The following ITGB6 variants were observed in gnomAD, a reference collection of about 807,000 sequenced individuals.
The protein encoded by ITGB6 is integrin beta-6.
In ITGB6, 80 loss-of-function variants were observed where a neutral mutation model predicts 84.5. The ratio of observed to expected loss-of-function variants is 0.95; its 90% CI spans 0.79 to 1.14. The LOEUF (loss-of-function observed/expected upper bound fraction) is 1.14, where lower values mean the gene tolerates loss of function less well. ITGB6 is among the 50% of genes most tolerant of loss of function. The pLI is 0.00. For missense variants in ITGB6, 1,006 were observed against 968.0 expected, an observed-to-expected ratio of 1.04 and a Z score of -0.52; for synonymous variants, 383 against 354.9, an observed-to-expected ratio of 1.08 and a Z score of -0.89.
intron 14 of ITGB6, 91 bp downstream of exon 14, chr2:160,107,588 A>G: frequency 1.7e-6 from 2 of 1,151,386 alleles, no homozygotes; most frequent in East Asian, 2.4e-5. Context: ...TGACATTTGA[A>G]CTCCCAGAGC....
Position 160,123,904 on chromosome 2 carries a change from A to G in ITGB6, c.1884-16T>C. 6.3e-7 allele frequency: 1 copy of G among 1,590,514 alleles called. No homozygotes were observed. The highest frequency in any genetic ancestry group is 1.3e-5 in the African/African-American group (1 of 74,534). On this transcript the variant is annotated splice_polypyrimidine_tract_variant and intron_variant, in intron 11 of 14. Coordinates refer to ENST00000283249, the MANE Select transcript of ITGB6 (RefSeq NM_000888.5). ...AATGCAGCTCCTGTGGACAGTATCC[A>G]ACAGTGTATCAGTTCATGCTGGTGG... is the stretch of plus-strand genomic sequence containing the variant.
At chr2:160,113,096 G>A (rs1266569301) in intron 12 of ITGB6, among the ~76,000 whole-genome samples, 1 of 152,198 alleles carries the variant, frequency 6.6e-6, no homozygotes, top group Non-Finnish European at 1.5e-5. Flanking sequence ...AAACCTGTAA[G>A]TAGAAGACGT....
chr2:160,174,282 C>T, intron 4 of ITGB6, 143 bp from the exon 5 acceptor site: 1 of 635,460 alleles, frequency 1.6e-6, no homozygotes, highest in Non-Finnish European at 2.7e-6. Flanking sequence ...ATGAATCTCA[C>T]TGTTAAGGTT....
In ITGB6 at chr2:160,141,862, C is replaced by CT. The variant is rs936124196; in HGVS notation, c.1107+119dup. The CT allele has an allele frequency of 8.0e-6, 5 of 625,894 alleles. No individual in the cohort carries two copies. The African/African-American group carries it at 9.8e-5, about 12-fold the overall frequency. The allele number at this position is 625,894 out of a possible 1,614,324, so 38.8% of individuals were successfully genotyped here. ...TATTTTGGCTGCATTCATGCAGAGACTTTTTTTGGATAAGCACTCTCTCTA... is the reference window on the plus strand; with the variant it reads ...TATTTTGGCTGCATTCATGCAGAGACTTTTTTTTGGATAAGCACTCTCTCTA... On this transcript the variant is annotated intron_variant, in intron 8 of 14. Transcript: ENST00000283249.
chr2:160,126,977 A>G (rs1444217753), intron 10 of ITGB6, among the ~76,000 whole-genome samples: 1 of 152,218 alleles, frequency 6.6e-6, no homozygotes, highest in Non-Finnish European at 1.5e-5. Flanking sequence ...GACATGCCTT[A>G]TTATATACCC....
intron 12 of ITGB6, among the ~76,000 whole-genome samples, chr2:160,119,797 A>G (rs1317588327): frequency 6.6e-6 from 1 of 151,978 alleles, no homozygotes; most frequent in East Asian, 1.9e-4. Context: ...CAGAATCTAC[A>G]ATGAACTCAA....
chr2:160,152,136 C>T (rs1684448087), intron 7 of ITGB6, among the ~76,000 whole-genome samples: 2 of 152,156 alleles, frequency 1.3e-5, no homozygotes, highest in South Asian at 4.1e-4. Context: ...CTGGCAGAGA[C>T]ACAACAAAAA....
intron 4 of ITGB6, among the ~76,000 whole-genome samples, chr2:160,186,212 A>G (rs1270050783): frequency 6.6e-6 from 1 of 152,026 alleles, no homozygotes; most frequent in Non-Finnish European, 1.5e-5. Context: ...AAATTTCTGC[A>G]ATCTATCCAT....
At chr2:160,108,864 T>A (rs1015179159) in intron 13 of ITGB6, among the ~76,000 whole-genome samples, 1 of 152,226 alleles carries the variant, frequency 6.6e-6, no homozygotes, top group Non-Finnish European at 1.5e-5. Context: ...GAATGACTAA[T>A]AGTCCTTGCA....
At chr2:160,186,807 C>T (rs1574138582) in intron 4 of ITGB6, among the ~76,000 whole-genome samples, 1 of 152,030 alleles carries the variant, frequency 6.6e-6, no homozygotes. Flanking sequence ...GAGTTCATGC[C>T]CTTTGCAAGG....
intron 12 of ITGB6, among the ~76,000 whole-genome samples, chr2:160,115,932 T>C (rs1306522263): frequency 6.7e-6 from 1 of 149,558 alleles, no homozygotes; most frequent in Non-Finnish European, 1.5e-5. Flanking sequence ...ATGAAATGAA[T>C]GAAATGAAGT....
chr2:160,189,955 A>G (rs1296524462), intron 4 of ITGB6, among the ~76,000 whole-genome samples: 1 of 152,180 alleles, frequency 6.6e-6, no homozygotes, highest in Non-Finnish European at 1.5e-5. Context: ...GAACCACCCC[A>G]AATGTCCAAC....
At chr2:160,175,469 C>T (rs1685382567) in intron 4 of ITGB6, among the ~76,000 whole-genome samples, 1 of 152,236 alleles carries the variant, frequency 6.6e-6, no homozygotes, top group Admixed American at 6.5e-5. Context: ...CACGGTGGTG[C>T]TCTGCCTTCT....
In ITGB6 at chr2:160,121,963, A is replaced by G. The variant is rs764379230; in HGVS notation, c.1981+1828T>C. On this transcript the variant is annotated intron_variant, in intron 12 of 14. Transcript: ENST00000283249. ...AAATTCCTCTTGTTGGGGGAAGGGT[A>G]GGTTGTTAAAAGACAAATATTATGC... is the stretch of plus-strand genomic sequence containing the variant. Among the ~76,000 whole-genome samples the G allele has an allele frequency of 3.3e-5, 5 of 151,438 alleles. No individual in the cohort carries two copies. The South Asian group carries it at 1.0e-3, about 32-fold the overall frequency.
At chr2:160,182,483 T>C (rs7572338) in intron 4 of ITGB6, among the ~76,000 whole-genome samples, 24,857 of 152,060 alleles carry the variant, frequency 0.16, 4,277 homozygotes, top group East Asian at 0.48. Flanking sequence ...CCAAGAAATA[T>C]GGGACTATGT....
chr2:160,125,157 A>G (rs912676978), intron 11 of ITGB6, among the ~76,000 whole-genome samples: 12 of 152,176 alleles, frequency 7.9e-5, no homozygotes, highest in Admixed American at 7.2e-4. Context: ...AGCACCTGTG[A>G]AGGCAGAGGC....
At position 160,171,581 on chromosome 2, in the gene ITGB6, G is replaced by A. The variant is rs375627123; in HGVS notation, c.921+988C>T. On this transcript the variant is annotated intron_variant, in intron 6 of 14. Transcript: ENST00000283249. ...CCATCTCCTGACCTCGTGATCCACC[G>A]CCTCGGCCTCCCAAAATGCTGGGAT... Among the ~76,000 whole-genome samples, 35 of 152,114 alleles carry A rather than the reference G, an allele frequency of 2.3e-4. 1 individual carries two copies. The highest frequency in any genetic ancestry group is 9.8e-4 in the Admixed American group (15 of 15,278).
chr2:160,142,206 T>C, intron 7 of ITGB6, 135 bp from the exon 8 acceptor site: 1 of 587,276 alleles, frequency 1.7e-6, no homozygotes, highest in Admixed American at 3.3e-5. Flanking sequence ...CAAACCTGCT[T>C]TTCTCCTGAA....
Position 160,137,578 on chromosome 2 carries a change from G to C in ITGB6, c.1516C>G (p.Pro506Ala), listed in dbSNP as rs983417389. Residue 506 changes from proline (P) to alanine (A), a missense_variant, in exon 10 of 15, where the codon CCA becomes GCA. Coordinates refer to ENST00000283249, the MANE Select transcript of ITGB6 (RefSeq NM_000888.5). The part of the protein sequence containing the change: ...MLSTDSCKEA[P>A]DHPSCSGRGD... ...CTTCCGCTGCAGGAGGGATGATCTG[G>C]GGCCTCCTTGCAGGAATCTGTGCTC... is the stretch of plus-strand genomic sequence containing the variant. 5 of 1,614,048 alleles carry C rather than the reference G, an allele frequency of 3.1e-6. No individual in the cohort carries two copies. In the South Asian group the frequency reaches 5.5e-5, roughly 18 times the overall value.
Sources: gnomAD v4.1 joint callset for allele counts (sites outside exome capture counted in the v4.1 genomes callset) on GRCh38, gnomAD v4.1.1 for gene constraint, MANE v1.5 for transcripts, NCBI Gene and HGNC (gene_info 2026-07-23, HGNC 2026-07-21) for gene names.